The following S100A13 variants were observed in gnomAD, a reference collection of about 807,000 sequenced individuals.
S100A13 encodes the protein S100 calcium binding protein A13.
A neutral mutation model predicts 8.2 loss-of-function variants in S100A13; 6 were observed. The observed-to-expected ratio is 0.73, with a 90% CI of 0.40 to 1.44. The LOEUF (loss-of-function observed/expected upper bound fraction) is 1.44, where lower values mean the gene tolerates loss of function less well. Among genes scored for constraint, S100A13 ranks in the 40% most tolerant of loss-of-function variants. The pLI is 0.02. For missense variants in S100A13, 114 were observed against 113.6 expected (o/e 1.00, Z -0.02); for synonymous variants, 39 against 45.9 (o/e 0.85, Z 0.61).
chr1:153,622,900 C>T (rs962374742), intron 2 of S100A13, among the ~76,000 whole-genome samples: 4 of 152,104 alleles, frequency 2.6e-5, no homozygotes, highest in African/African-American at 9.7e-5. Flanking sequence ...TACATGCACG[C>T]ACACGTACAG....
chr1:153,618,865 C>T lies in S100A13; in HGVS notation c.*30G>A. The T allele has an allele frequency of 1.2e-6, 2 of 1,611,774 alleles. No individual in the cohort carries two copies. The highest frequency in any genetic ancestry group is 1.7e-6 in the Non-Finnish European group (2 of 1,178,386). On this transcript the variant is annotated 3_prime_UTR_variant, in exon 3 of 3. Coordinates refer to ENST00000476133, the MANE Select transcript of S100A13 (RefSeq NM_001024211.2). ...TTCTGCTCGGCCCTGATCAGCTCTG[C>T]CCTGCCCACCCCATCTCAGCCAGGC...
At chr1:153,630,713 T>C (rs1435603876), upstream of S100A13, 5 of 1,598,542 alleles carry the variant, frequency 3.1e-6, no homozygotes, top group Admixed American at 1.7e-5. Flanking sequence ...GTTGGGGGAA[T>C]GGGGTGGACA....
chr1:153,623,806 T>C (rs541486988), intron 2 of S100A13, among the ~76,000 whole-genome samples: 2 of 152,322 alleles, frequency 1.3e-5, no homozygotes, highest in Admixed American at 6.5e-5. Flanking sequence ...AGATTTAAAG[T>C]GAGACAAGTC....
intron 1 of S100A13, chr1:153,626,753 TC>T (rs1667666354): frequency 2.8e-6 from 1 of 358,224 alleles, no homozygotes; most frequent in African/African-American, 2.0e-5. Context: ...AACCCCCTCT[TC>T]TGTAGGTCTC....
At position 153,619,144 on chromosome 1, in the gene S100A13, G is replaced by A. The variant is rs552935923; in HGVS notation, c.154-106C>T. The A allele has an allele frequency of 8.4e-4, 867 of 1,028,580 alleles. 2 individuals carry two copies. Among genetic ancestry groups the A allele is most frequent in the Non-Finnish European group, 1.1e-3 (763 of 698,022 alleles). The allele number at this position is 1,028,580 out of a possible 1,614,324, so 63.7% of individuals were successfully genotyped here. A position where few individuals can be genotyped will look rare whatever the true frequency, so the allele number is the denominator to read the frequency against. ...ATTCTCTCAAGGCCCTTCCCTCAGA[G>A]AGCAGTGGCACCTGCCCCTTCTCTA... On this transcript the variant is annotated intron_variant, in intron 2 of 2. Coordinates refer to ENST00000476133, the MANE Select transcript of S100A13 (RefSeq NM_001024211.2).
chr1:153,626,214 A>T, intron 2 of S100A13, 106 bp downstream of exon 2: 1 of 1,010,780 alleles, frequency 9.9e-7, no homozygotes, highest in Non-Finnish European at 1.5e-6. Flanking sequence ...GCAGCCACCC[A>T]CACCCTTTCT....
At chr1:153,633,653 G>A (rs1032728526), upstream of S100A13, among the ~76,000 whole-genome samples, 2 of 152,194 alleles carry the variant, frequency 1.3e-5, no homozygotes, top group African/African-American at 2.4e-5. Flanking sequence ...CAGACTGGGC[G>A]AGTGGCCATG....
rs1014073226 is a variant in S100A13, at chr1:153,621,062, CAT to C, written c.154-2026_154-2025del. Among the ~76,000 whole-genome samples the C allele has an allele frequency of 6.6e-5, 10 of 151,780 alleles. No homozygotes were observed. In the South Asian group the frequency reaches 8.3e-4, roughly 13 times the overall value. On this transcript the variant is annotated intron_variant, in intron 2 of 2. Coordinates refer to ENST00000476133, the MANE Select transcript of S100A13 (RefSeq NM_001024211.2). ...TTGAATAAATAGAAAATGGAATAAA[CAT>C]ATATTTTTCTTAAAGAGAAAGGCTC... is the stretch of plus-strand genomic sequence containing the variant.
At chr1:153,628,402 G>C, upstream of S100A13, 1 of 1,550,338 alleles carries the variant, frequency 6.5e-7, no homozygotes, top group Non-Finnish European at 8.7e-7. Context: ...GGGAGGGACT[G>C]TTGAAGACAG....
upstream of S100A13, chr1:153,630,657 C>T (rs1667959091): frequency 6.2e-7 from 1 of 1,614,036 alleles, no homozygotes; most frequent in Admixed American, 1.7e-5. Context: ...CTCTGGCTTC[C>T]TGGATGTGAG....
chr1:153,627,429 C>T (rs1475828200), intron 1 of S100A13, 54 bp downstream of exon 1: 1 of 152,244 alleles, frequency 6.6e-6, no homozygotes, highest in African/African-American at 2.4e-5. Flanking sequence ...ACCTGGGAGC[C>T]CAGGAAGAAA....
At chr1:153,631,665 A>C, upstream of S100A13, 1 of 1,613,700 alleles carries the variant, frequency 6.2e-7, no homozygotes, top group Non-Finnish European at 8.5e-7. Context: ...ACCCTTCCCT[A>C]TACACCTCCC....
At chr1:153,623,842 C>A (rs1430610312) in intron 2 of S100A13, among the ~76,000 whole-genome samples, 3 of 152,156 alleles carry the variant, frequency 2.0e-5, no homozygotes, top group Admixed American at 6.5e-5. Context: ...TTTTCTCCAG[C>A]CAGATTCAGC....
chr1:153,627,931 G>A, upstream of S100A13: 1 of 1,187,384 alleles, frequency 8.4e-7, no homozygotes, highest in Non-Finnish European at 1.2e-6. Context: ...AGATCCCTCA[G>A]AGAACCCCAG....
upstream of S100A13, chr1:153,631,491 CATT>C (rs1404879959): frequency 2.5e-6 from 4 of 1,607,776 alleles, no homozygotes; most frequent in African/African-American, 4.0e-5. Context: ...TAACTGGTGT[CATT>C]ATTATTCATT....
rs1288795311 is a variant in S100A13, at chr1:153,626,340, G to A, written c.133C>T (p.Gln45Ter). The A allele has an allele frequency of 6.2e-7, 1 of 1,614,044 alleles. No individual in the cohort carries two copies. The highest frequency in any genetic ancestry group is 8.5e-7 in the Non-Finnish European group (1 of 1,180,008). Residue 45 changes from glutamine to a stop codon, truncating the protein, a stop_gained, in exon 2 of 3, where the codon CAG becomes TAG. Transcript: ENST00000476133. LOFTEE classifies it high-confidence loss of function. ...VNEFKELVTQQLPHLLKDVGS... is the reference protein window; with the variant it reads ...VNEFKELVTQ Reference sequence around the variant, plus strand: ...CCTACCTTGAGCAGATGGGGCAACTGCTGGGTAACCAGCTCTTTGAACTCG... The same window carrying A: ...CCTACCTTGAGCAGATGGGGCAACTACTGGGTAACCAGCTCTTTGAACTCG...
intron 2 of S100A13, among the ~76,000 whole-genome samples, chr1:153,621,860 C>T (rs955650220): frequency 1.3e-5 from 2 of 149,844 alleles, no homozygotes; most frequent in Non-Finnish European, 3.0e-5. Context: ...GAGACCTCGT[C>T]TCAAAAAAAT....
chr1:153,632,157 C>T (rs1571304586), upstream of S100A13: 2 of 276,090 alleles, frequency 7.2e-6, no homozygotes, highest in Non-Finnish European at 1.4e-5. Context: ...TGCATTACAT[C>T]TTCCTACTTG....
intron 2 of S100A13, among the ~76,000 whole-genome samples, chr1:153,622,973 C>T (rs1485734923): frequency 6.6e-6 from 1 of 152,068 alleles, no homozygotes; most frequent in East Asian, 1.9e-4. Flanking sequence ...GCCTGTAGTC[C>T]CAGCTACTCA....
Sources: allele counts gnomAD v4.1 joint callset (sites outside exome capture counted in the v4.1 genomes callset), GRCh38; gene constraint gnomAD v4.1.1; transcripts MANE v1.5; gene names NCBI Gene and HGNC (gene_info 2026-07-23, HGNC 2026-07-21).